Variants in C10orf90 observed in about 807,000 individuals in gnomAD.
The protein encoded by C10orf90 is (E2-independent) E3 ubiquitin-conjugating enzyme FATS.
A neutral mutation model predicts 62.5 loss-of-function variants in C10orf90; 56 were observed. The observed-to-expected ratio is 0.90, with a 90% CI of 0.72 to 1.12. The LOEUF is 1.12. Ranked by LOEUF, C10orf90 falls within the 50% of genes most tolerant of loss-of-function variation. The pLI is 0.00. For missense variants in C10orf90, 970 were observed against 880.4 expected (o/e 1.10, Z -1.29); for synonymous variants, 386 against 340.4 (o/e 1.13, Z -1.47).
intron 2 of C10orf90, among the ~76,000 whole-genome samples, chr10:126,627,251 C>G (rs1845764429): frequency 6.6e-6 from 1 of 152,212 alleles, no homozygotes; most frequent in Admixed American, 6.5e-5. Context: ...CTACCCACCT[C>G]AGCTTCCCAA....
At chr10:126,488,735 A>C (rs2133827185) in intron 4 of C10orf90, among the ~76,000 whole-genome samples, 1 of 152,282 alleles carries the variant, frequency 6.6e-6, no homozygotes, top group Non-Finnish European at 1.5e-5. Context: ...AATTTAAATA[A>C]CTTTGATAAA....
intron 2 of C10orf90, among the ~76,000 whole-genome samples, chr10:126,553,292 T>G (rs1181422510): frequency 6.6e-6 from 1 of 151,934 alleles, no homozygotes; most frequent in Non-Finnish European, 1.5e-5. Flanking sequence ...CTCCTACAAA[T>G]CAATAAGAAA....
At chr10:126,509,389 C>A (rs779488897) in intron 3 of C10orf90, among the ~76,000 whole-genome samples, 1 of 152,108 alleles carries the variant, frequency 6.6e-6, no homozygotes, top group Non-Finnish European at 1.5e-5. Context: ...ATAATCCAAC[C>A]TACAAAGGAG....
chr10:126,469,172 C>T (rs1314456080), intron 4 of C10orf90, among the ~76,000 whole-genome samples: 1 of 152,090 alleles, frequency 6.6e-6, no homozygotes, highest in Non-Finnish European at 1.5e-5. Flanking sequence ...GGTACAGCTG[C>T]CCAGGGAATT....
chr10:126,485,487 C>T (rs1022027222), intron 4 of C10orf90, among the ~76,000 whole-genome samples: 60 of 152,058 alleles, frequency 3.9e-4, no homozygotes, highest in African/African-American at 1.4e-3. Flanking sequence ...TTAAACTCAT[C>T]TTTGAATTTA....
At chr10:126,605,959 C>A (rs963353033) in intron 2 of C10orf90, among the ~76,000 whole-genome samples, 1 of 152,144 alleles carries the variant, frequency 6.6e-6, no homozygotes, top group African/African-American at 2.4e-5. Flanking sequence ...GAAATATGAT[C>A]CTTAAATTTA....
chr10:126,514,277 A>G (rs1863305525), intron 2 of C10orf90, among the ~76,000 whole-genome samples: 1 of 152,216 alleles, frequency 6.6e-6, no homozygotes, highest in South Asian at 2.1e-4. Flanking sequence ...ACTCACATCT[A>G]TAGATGTCCC....
At chr10:126,621,740 T>C (rs748099838) in intron 2 of C10orf90, among the ~76,000 whole-genome samples, 3 of 152,232 alleles carry the variant, frequency 2.0e-5, no homozygotes, top group Non-Finnish European at 2.9e-5. Context: ...GTTCCACTCA[T>C]TCTTGATATT....
At chr10:126,439,128 C>T (rs1306473565) in intron 7 of C10orf90, among the ~76,000 whole-genome samples, 1 of 152,176 alleles carries the variant, frequency 6.6e-6, no homozygotes, top group East Asian at 1.9e-4. Flanking sequence ...ATCCCAGCAG[C>T]CTTTGCCATC....
intron 4 of C10orf90, among the ~76,000 whole-genome samples, chr10:126,498,677 G>A (rs529020584): frequency 2.8e-4 from 43 of 152,306 alleles, no homozygotes; most frequent in Middle Eastern, 3.4e-3. Flanking sequence ...GAGTGCCCTC[G>A]GCGGCGATCC....
intron 2 of C10orf90, among the ~76,000 whole-genome samples, chr10:126,560,413 G>A (rs1036659335): frequency 6.6e-6 from 1 of 152,196 alleles, no homozygotes; most frequent in Non-Finnish European, 1.5e-5. Context: ...CGACGCGCAC[G>A]GTGCATGGTT....
chr10:126,596,085 G>A (rs1262667134), intron 2 of C10orf90, among the ~76,000 whole-genome samples: 1 of 145,432 alleles, frequency 6.9e-6, no homozygotes, highest in African/African-American at 2.6e-5. Context: ...TACTAACCAT[G>A]AAAGAAAAAA....
At chr10:126,661,807 T>C (rs1318268325) in intron 1 of C10orf90, among the ~76,000 whole-genome samples, 1 of 152,132 alleles carries the variant, frequency 6.6e-6, no homozygotes, top group African/African-American at 2.4e-5. Context: ...CAAGAAGTTC[T>C]TTTTTAAAAA....
At chr10:126,503,684 C>G (rs767069978) in intron 4 of C10orf90, among the ~76,000 whole-genome samples, 2 of 152,120 alleles carry the variant, frequency 1.3e-5, no homozygotes, top group Non-Finnish European at 2.9e-5. Flanking sequence ...TTTGGAGGCC[C>G]TCATTTCCTT....
At chr10:126,441,720 GC>G (rs1340690902) in intron 7 of C10orf90, among the ~76,000 whole-genome samples, 1 of 152,108 alleles carries the variant, frequency 6.6e-6, no homozygotes, top group Non-Finnish European at 1.5e-5. Context: ...AGGGATTGGG[GC>G]CCTATCTTCA....
At chr10:126,572,371 GT>G (rs1844524833) in intron 2 of C10orf90, among the ~76,000 whole-genome samples, 1 of 152,138 alleles carries the variant, frequency 6.6e-6, no homozygotes, top group Non-Finnish European at 1.5e-5. Context: ...GTGAAAGCAA[GT>G]TTATTAAGGA....
At chr10:126,507,007 T>C (rs1261587790) in intron 3 of C10orf90, among the ~76,000 whole-genome samples, 1 of 151,868 alleles carries the variant, frequency 6.6e-6, no homozygotes, top group East Asian at 1.9e-4. Flanking sequence ...CATGGGAAGA[T>C]GGTTGGCTTG....
intron 2 of C10orf90, among the ~76,000 whole-genome samples, chr10:126,592,802 A>C (rs1042856017): frequency 1.3e-5 from 2 of 152,190 alleles, no homozygotes; most frequent in Admixed American, 6.5e-5. Context: ...CATCTGACAA[A>C]GGTCTAATAT....
At chr10:126,629,225 A>G (rs1845806052) in intron 2 of C10orf90, among the ~76,000 whole-genome samples, 1 of 152,204 alleles carries the variant, frequency 6.6e-6, no homozygotes, top group Admixed American at 6.5e-5. Context: ...ATTAATTGTG[A>G]AGGGTAAAAA....
Sources: allele counts gnomAD v4.1 joint callset (sites outside exome capture counted in the v4.1 genomes callset), GRCh38; gene constraint gnomAD v4.1.1; transcripts MANE v1.5; gene names NCBI Gene and HGNC (gene_info 2026-07-23, HGNC 2026-07-21).